The following TCF4 variants were observed in gnomAD, a reference collection of about 807,000 sequenced individuals.
TCF4 encodes transcription factor 4.
In TCF4, 3 loss-of-function variants were observed where a neutral mutation model predicts 82.1. The ratio of observed to expected loss-of-function variants is 0.04; its 90% CI spans 0.02 to 0.09. TCF4 has a LOEUF of 0.09. TCF4 is among the 10% of genes least tolerant of loss of function. The pLI is 1.00. For missense variants in TCF4, 518 were observed against 852.7 expected (o/e 0.61, Z 4.89); for synonymous variants, 276 against 309.6 (o/e 0.89, Z 1.14).
chr18:55,302,613 G>C, intron 8 of TCF4: 1 of 1,523,736 alleles, frequency 6.6e-7, no homozygotes, highest in East Asian at 2.5e-5. Context: ...CTTCATGCTG[G>C]ATATATGAAA....
chr18:55,613,768 G>A (rs980148388), intron 2 of TCF4, among the ~76,000 whole-genome samples: 4 of 152,022 alleles, frequency 2.6e-5, no homozygotes, highest in African/African-American at 9.7e-5. Context: ...TGATCCAAAC[G>A]CCTCCCACCA....
chr18:55,298,689 T>G (rs1235692589), intron 8 of TCF4, among the ~76,000 whole-genome samples: 1 of 152,198 alleles, frequency 6.6e-6, no homozygotes, highest in African/African-American at 2.4e-5. Context: ...TACTAAAACA[T>G]GTGACTAGAG....
chr18:55,635,235 G>A (rs1036254277), intron 1 of TCF4, among the ~76,000 whole-genome samples: 4 of 152,164 alleles, frequency 2.6e-5, no homozygotes, highest in African/African-American at 4.8e-5. Flanking sequence ...AGGGCCATGC[G>A]TGGTGGCTCA....
At chr18:55,401,379 T>C in intron 6 of TCF4, 1 of 1,104,136 alleles carries the variant, frequency 9.1e-7, no homozygotes, top group South Asian at 2.4e-5. Context: ...AAGCACAAAT[T>C]AAGAATGAAG....
At chr18:55,450,945 A>C (rs1195746425) in intron 5 of TCF4, among the ~76,000 whole-genome samples, 3 of 152,318 alleles carry the variant, frequency 2.0e-5, no homozygotes, top group Non-Finnish European at 4.4e-5. Flanking sequence ...AGAACATTTA[A>C]AATGGAGAGA....
intron 6 of TCF4, among the ~76,000 whole-genome samples, chr18:55,353,065 G>A (rs1240525946): frequency 1.2e-4 from 19 of 152,230 alleles, no homozygotes; most frequent in South Asian, 1.0e-3. Flanking sequence ...AAGCAAATAT[G>A]TTGAAATGCT....
At chr18:55,425,377 A>T (rs1260729170) in intron 5 of TCF4, among the ~76,000 whole-genome samples, 1 of 150,660 alleles carries the variant, frequency 6.6e-6, no homozygotes, top group Admixed American at 6.6e-5. Flanking sequence ...AGGATTCAGT[A>T]TGCTTCCCCC....
intron 5 of TCF4, among the ~76,000 whole-genome samples, chr18:55,412,857 T>G (rs2146730409): frequency 6.6e-6 from 1 of 152,178 alleles, no homozygotes; most frequent in East Asian, 1.9e-4. Context: ...TCCACCAGAG[T>G]CTTAGCAACA....
At chr18:55,491,059 T>A (rs1426094295) in intron 3 of TCF4, among the ~76,000 whole-genome samples, 1 of 152,228 alleles carries the variant, frequency 6.6e-6, no homozygotes, top group Non-Finnish European at 1.5e-5. Flanking sequence ...CAGTGTTGGT[T>A]AATAGTTTTC....
intron 3 of TCF4, among the ~76,000 whole-genome samples, chr18:55,492,948 C>A (rs1483537383): frequency 2.0e-5 from 3 of 152,148 alleles, no homozygotes; most frequent in Non-Finnish European, 4.4e-5. Flanking sequence ...TCCACCAACA[C>A]CTCCACCCAC....
At chr18:55,247,893 G>A (rs72925036) in intron 15 of TCF4, among the ~76,000 whole-genome samples, 44 of 152,318 alleles carry the variant, frequency 2.9e-4, no homozygotes, top group Admixed American at 4.6e-4. Flanking sequence ...GCAAATTTGG[G>A]CTGGACCTAG....
chr18:55,310,331 G>A (rs186293438), intron 8 of TCF4, among the ~76,000 whole-genome samples: 5 of 152,298 alleles, frequency 3.3e-5, no homozygotes, highest in African/African-American at 1.2e-4. Context: ...TGCCATTCCC[G>A]TGCCCAGCCT....
intron 2 of TCF4, among the ~76,000 whole-genome samples, chr18:55,615,967 T>G (rs1322378845): frequency 1.3e-5 from 2 of 152,270 alleles, no homozygotes; most frequent in Admixed American, 1.3e-4. Flanking sequence ...TTTGTTTTTT[T>G]ATTGTGTTAA....
intron 8 of TCF4, among the ~76,000 whole-genome samples, chr18:55,292,859 T>C (rs2065427007): frequency 6.6e-6 from 1 of 152,140 alleles, no homozygotes; most frequent in Non-Finnish European, 1.5e-5. Flanking sequence ...TTACACATTA[T>C]TTACACACAT....
chr18:55,520,932 G>T (rs747407339), intron 3 of TCF4, among the ~76,000 whole-genome samples: 1 of 151,960 alleles, frequency 6.6e-6, no homozygotes, highest in Non-Finnish European at 1.5e-5. Context: ...CCTATTCGTC[G>T]CAATTCAGAG....
upstream of TCF4, chr18:55,589,821 C>A (rs539031138): frequency 3.0e-6 from 3 of 1,005,882 alleles, no homozygotes; most frequent in Admixed American, 6.0e-5. Flanking sequence ...GAAGGAGCTG[C>A]GGCCGCGGCT....
chr18:55,541,647 A>G (rs1282543887), intron 3 of TCF4, among the ~76,000 whole-genome samples: 1 of 152,004 alleles, frequency 6.6e-6, no homozygotes, highest in African/African-American at 2.4e-5. Flanking sequence ...AAGAAAGACA[A>G]TCTTATCTAC....
chr18:55,425,906 C>G (rs1201526080), intron 5 of TCF4, among the ~76,000 whole-genome samples: 1 of 152,112 alleles, frequency 6.6e-6, no homozygotes, highest in Non-Finnish European at 1.5e-5. Context: ...CTCAGTGCCC[C>G]TGCTGTTTAA....
chr18:55,254,544 A>T lies in TCF4; in HGVS notation c.1303T>A (p.Ser435Thr), dbSNP rs1204988086. Residue 435 changes from serine (S) to threonine (T), a missense_variant, in exon 15 of 20, where the codon TCA (serine) becomes ACA (threonine). Ser to Thr is a moderately conservative substitution (Grantham distance 58, BLOSUM62 1). Around this residue, in one of 7 missense-constraint regions of TCF4, gnomAD observed 144 missense variants for 190.2 expected, o/e 0.76. Transcript: ENST00000354452. ...SHNGAMGGLG[S>T]GYGTGLLSAN... ...GAAAGAAGGCCGGTTCCATACCCTG[A>T]GCCCAGACCACCCATGGCTCCATTA... is the stretch of plus-strand genomic sequence containing the variant. The T allele has an allele frequency of 6.2e-7, 1 of 1,613,706 alleles. No individual in the cohort carries two copies. Among genetic ancestry groups the T allele is most frequent in the African/African-American group, 1.3e-5 (1 of 74,894 alleles).
Sources: gnomAD v4.1 joint callset for allele counts (sites outside exome capture counted in the v4.1 genomes callset) on GRCh38, gnomAD v4.1.1 for gene constraint, gnomAD v4.1.1 regional missense constraint, MANE v1.5 for transcripts, NCBI Gene and HGNC (gene_info 2026-07-23, HGNC 2026-07-21) for gene names.